The following SENP7 variants were observed in gnomAD, a reference collection of about 807,000 sequenced individuals.
The protein encoded by SENP7 is SUMO specific peptidase 7.
A neutral mutation model predicts 141.2 loss-of-function variants in SENP7; 64 were observed. The ratio of observed to expected loss-of-function variants is 0.45; its 90% confidence interval spans 0.37 to 0.56. The LOEUF (loss-of-function observed/expected upper bound fraction) is 0.56, where lower values mean the gene tolerates loss of function less well. SENP7 is among the 20% of genes least tolerant of loss of function. The pLI is 0.00. For missense variants in SENP7, 1,025 were observed against 1,212.2 expected (o/e 0.85, Z 2.29); for synonymous variants, 382 against 426.4 (o/e 0.90, Z 1.28).
intron 1 of SENP7, among the ~76,000 whole-genome samples, chr3:101,501,521 G>A (rs2065377838): frequency 6.6e-6 from 1 of 152,076 alleles, no homozygotes; most frequent in Non-Finnish European, 1.5e-5. Context: ...GTTAGAAGTT[G>A]AGAATATTCT....
chr3:101,450,256 T>C (rs1226102866), intron 4 of SENP7, among the ~76,000 whole-genome samples: 1 of 151,974 alleles, frequency 6.6e-6, no homozygotes, highest in Non-Finnish European at 1.5e-5. Context: ...TCCCACACAA[T>C]AATAATGGGA....
chr3:101,467,528 T>C (rs2063805381), intron 3 of SENP7, among the ~76,000 whole-genome samples: 1 of 152,240 alleles, frequency 6.6e-6, no homozygotes, highest in Non-Finnish European at 1.5e-5. Flanking sequence ...CAATATTTGC[T>C]GTTCTGCAGC....
intron 14 of SENP7, 112 bp downstream of exon 14, chr3:101,343,574 G>C: frequency 9.8e-7 from 1 of 1,019,770 alleles, no homozygotes; most frequent in Non-Finnish European, 1.4e-6. Context: ...CTTTTGGGTT[G>C]GTTCCTATGC....
At chr3:101,463,203 A>C (rs979836368) in intron 3 of SENP7, among the ~76,000 whole-genome samples, 1 of 151,404 alleles carries the variant, frequency 6.6e-6, no homozygotes, top group African/African-American at 2.4e-5. Flanking sequence ...CTATGTCTAC[A>C]ATAAAGGTCG....
At chr3:101,504,590 T>C (rs1274354700) in intron 1 of SENP7, among the ~76,000 whole-genome samples, 1 of 152,246 alleles carries the variant, frequency 6.6e-6, no homozygotes, top group African/African-American at 2.4e-5. Context: ...GAAAGTATCC[T>C]GTAGAAATTC....
chr3:101,489,958 G>C (rs1428649626), intron 3 of SENP7, among the ~76,000 whole-genome samples: 1 of 152,208 alleles, frequency 6.6e-6, no homozygotes, highest in African/African-American at 2.4e-5. Context: ...GCCAAGGCAG[G>C]CGGATCACCT....
At chr3:101,472,946 T>C (rs1319468920) in intron 3 of SENP7, among the ~76,000 whole-genome samples, 1 of 152,144 alleles carries the variant, frequency 6.6e-6, no homozygotes, top group Non-Finnish European at 1.5e-5. Context: ...GCATGTGTTG[T>C]CCCCTTCTGT....
intron 1 of SENP7, among the ~76,000 whole-genome samples, chr3:101,503,304 G>A (rs2065464308): frequency 6.6e-6 from 1 of 152,224 alleles, no homozygotes; most frequent in African/African-American, 2.4e-5. Flanking sequence ...TGCTAAGAGT[G>A]TAAATGAGTA....
intron 22 of SENP7, 53 bp downstream of exon 22, chr3:101,328,425 A>T: frequency 7.5e-7 from 1 of 1,340,176 alleles, no homozygotes; most frequent in Non-Finnish European, 1.1e-6. Flanking sequence ...GTAACTTCAA[A>T]ATTACTGAGG....
intron 3 of SENP7, among the ~76,000 whole-genome samples, chr3:101,476,682 T>A (rs2064231725): frequency 6.6e-6 from 1 of 152,238 alleles, no homozygotes; most frequent in Admixed American, 6.5e-5. Flanking sequence ...CCACACTGTC[T>A]TCCACAAGGG....
intron 14 of SENP7, among the ~76,000 whole-genome samples, chr3:101,343,343 A>C (rs1430327077): frequency 6.6e-6 from 1 of 152,060 alleles, no homozygotes; most frequent in African/African-American, 2.4e-5. Context: ...ATAGTGTTCT[A>C]CTTGTGGTTT....
rs559916275 is a variant in SENP7, at chr3:101,444,576, G to A, written c.284+14379C>T. Among the ~76,000 whole-genome samples, 458 of 152,086 alleles carry A rather than the reference G, an allele frequency of 3.0e-3. 1 individual carries two copies. The highest frequency in any genetic ancestry group is 6.3e-3 in the African/African-American group (261 of 41,468). On this transcript the variant is annotated intron_variant, in intron 4 of 23. Coordinates refer to ENST00000394095, the MANE Select transcript of SENP7 (RefSeq NM_020654.5). ...ACTATGCAGCCATAAAAAATGATGC[G>A]TTCATGTCCTTTGTAGGGACATGGA... is the stretch of plus-strand genomic sequence containing the variant.
At chr3:101,512,286 C>T (rs1236337877) in intron 1 of SENP7, among the ~76,000 whole-genome samples, 2 of 152,184 alleles carry the variant, frequency 1.3e-5, no homozygotes, top group Non-Finnish European at 2.9e-5. Flanking sequence ...AACACAAGGA[C>T]TTGAGGACCC....
At position 101,330,973 on chromosome 3, in the gene SENP7, G is replaced by A. The variant is rs76782315; in HGVS notation, c.2699-587C>T. Reference sequence around the variant, plus strand: ...TAGATTTTGGCTTGTAAGAAAACTCGTGGAAGAATTATAAGAGATCCTATA... The same window carrying A: ...TAGATTTTGGCTTGTAAGAAAACTCATGGAAGAATTATAAGAGATCCTATA... On this transcript the variant is annotated intron_variant, in intron 19 of 23. Coordinates refer to ENST00000394095, the MANE Select transcript of SENP7 (RefSeq NM_020654.5). 1.9e-3 allele frequency among the ~76,000 whole-genome samples: 289 copies of A among 152,184 alleles called. 11 individuals carry two copies. In the East Asian group the frequency reaches 0.05, roughly 27 times the overall value.
Position 101,337,563 on chromosome 3 carries a change from T to C in SENP7, c.2426A>G (p.Tyr809Cys). The C allele has an allele frequency of 1.9e-6, 3 of 1,583,702 alleles. No homozygotes were observed. The highest frequency in any genetic ancestry group is 2.6e-6 in the Non-Finnish European group (3 of 1,154,828). Residue 809 changes from tyrosine to cysteine, a missense_variant, in exon 17 of 24, where the codon TAT becomes TGT. Coordinates refer to ENST00000394095, the MANE Select transcript of SENP7 (RefSeq NM_020654.5). Reference sequence around the variant, plus strand: ...ATTTTCCTTTCTTGTCAAGCATTTATAGAAAAAGCTACTAAAAATGTGACT... The same window carrying C: ...ATTTTCCTTTCTTGTCAAGCATTTACAGAAAAAGCTACTAAAAATGTGACT... Reference protein sequence around the residue: ...ERSHIFSSFFYKCLTRKENNL... With the variant: ...ERSHIFSSFFCKCLTRKENNL...
chr3:101,380,748 T>C (rs2060479624), intron 6 of SENP7, among the ~76,000 whole-genome samples: 1 of 151,208 alleles, frequency 6.6e-6, no homozygotes, highest in Non-Finnish European at 1.5e-5. Context: ...TAGTTAAAAA[T>C]AAATGTAGAC....
chr3:101,329,946 C>A (rs2059005182), intron 20 of SENP7, among the ~76,000 whole-genome samples: 1 of 145,698 alleles, frequency 6.9e-6, no homozygotes, highest in African/African-American at 2.5e-5. Flanking sequence ...CAGCAAGACC[C>A]CATCACAAAG....
At chr3:101,497,977 T>G (rs1422319561) in intron 2 of SENP7, among the ~76,000 whole-genome samples, 3 of 152,166 alleles carry the variant, frequency 2.0e-5, no homozygotes, top group African/African-American at 7.2e-5. Flanking sequence ...TAATTTTTTT[T>G]GTAGATATGG....
intron 11 of SENP7, among the ~76,000 whole-genome samples, chr3:101,360,583 C>T (rs1278668252): frequency 6.6e-6 from 1 of 152,180 alleles, no homozygotes; most frequent in African/African-American, 2.4e-5. Context: ...GCCTGAGTTA[C>T]TAAATCTGAC....
Sources: allele counts gnomAD v4.1 joint callset (sites outside exome capture counted in the v4.1 genomes callset), GRCh38; gene constraint gnomAD v4.1.1; transcripts MANE v1.5; gene names NCBI Gene and HGNC (gene_info 2026-07-23, HGNC 2026-07-21).